The following BRK1 variants were observed in gnomAD, a reference collection of about 807,000 sequenced individuals.
BRK1 encodes protein BRICK1.
BRK1 carries 6 observed loss-of-function variants against 9.9 expected under a neutral mutation model. That is an observed-to-expected ratio of 0.60 (90% CI 0.33 to 1.19). The LOEUF (loss-of-function observed/expected upper bound fraction) is 1.19, where lower values mean the gene tolerates loss of function less well. Ranked by LOEUF, BRK1 falls within the 50% of genes most tolerant of loss-of-function variation. BRK1 has a pLI of 0.04. For missense variants in BRK1, 62 were observed against 97.5 expected (o/e 0.64, Z 1.53); for synonymous variants, 44 against 31.9 (o/e 1.38, Z -1.28).
intron 1 of BRK1, among the ~76,000 whole-genome samples, chr3:10,117,515 TCCTGA>T (rs1182687578): frequency 1.3e-5 from 2 of 149,232 alleles, no homozygotes; most frequent in African/African-American, 2.5e-5. Context: ...TGCCCCCGCC[TCCTGA>T]GTAGCTAGGA....
At chr3:10,118,173 A>G (rs571350367) in intron 1 of BRK1, among the ~76,000 whole-genome samples, 52 of 149,838 alleles carry the variant, frequency 3.5e-4, no homozygotes, top group African/African-American at 1.2e-3. Flanking sequence ...GAATTGCTTG[A>G]ACCGGGGAGG....
At chr3:10,122,150 C>T (rs186575033) in intron 1 of BRK1, among the ~76,000 whole-genome samples, 84 of 151,498 alleles carry the variant, frequency 5.5e-4, no homozygotes, top group African/African-American at 1.8e-3. Flanking sequence ...TCTTGAACTC[C>T]GACCTCAGGT....
chr3:10,126,574 C>T lies in BRK1; in HGVS notation c.*279C>T, dbSNP rs1000836748. ...GTCAATGTATTTGAGACATTCACAGCCAAAAGCCTGGGACTCTTTGTGAAG... is the reference window on the plus strand; with the variant it reads ...GTCAATGTATTTGAGACATTCACAGTCAAAAGCCTGGGACTCTTTGTGAAG... On this transcript the variant is annotated 3_prime_UTR_variant, in exon 3 of 3. Transcript: ENST00000530758. 1 of 375,790 alleles carries T rather than the reference C, an allele frequency of 2.7e-6. No individual in the cohort carries two copies. Among genetic ancestry groups the T allele is most frequent in the Non-Finnish European group, 4.8e-6 (1 of 207,526 alleles). 23.3% of individuals were successfully genotyped at this position (375,790 alleles called of 1,614,324 possible).
chr3:10,124,237 G>A (rs914503516), intron 1 of BRK1, among the ~76,000 whole-genome samples: 7 of 151,182 alleles, frequency 4.6e-5, no homozygotes, highest in East Asian at 4.0e-4. Flanking sequence ...GGCGGATCAC[G>A]AGGACAAGAG....
intron 1 of BRK1, among the ~76,000 whole-genome samples, chr3:10,116,505 T>C (rs1257991411): frequency 6.6e-6 from 1 of 152,184 alleles, no homozygotes; most frequent in African/African-American, 2.4e-5. Context: ...CAGAAAGATA[T>C]CTTTACCAGA....
chr3:10,115,700 C>G lies in BRK1; in HGVS notation c.-2C>G, dbSNP rs769891349. 1 of 1,613,064 alleles carries G rather than the reference C, an allele frequency of 6.2e-7. No homozygotes were observed. Among genetic ancestry groups the G allele is most frequent in the Admixed American group, 1.7e-5 (1 of 60,028 alleles). On this transcript the variant is annotated 5_prime_UTR_variant, in exon 1 of 3. Coordinates refer to ENST00000530758, the MANE Select transcript of BRK1 (RefSeq NM_018462.5). ...GCAGTCGCTCTTCCTCAGGCGGCGG[C>G]CATGGCGGGACAGGAGGATCCGGTG...
At chr3:10,119,877 T>A (rs1187241957) in intron 1 of BRK1, among the ~76,000 whole-genome samples, 1 of 152,180 alleles carries the variant, frequency 6.6e-6, no homozygotes, top group East Asian at 1.9e-4. Context: ...TTGGTTTTTG[T>A]ACTGAGCCAA....
At chr3:10,121,924 C>A (rs1390241266) in intron 1 of BRK1, among the ~76,000 whole-genome samples, 1 of 133,208 alleles carries the variant, frequency 7.5e-6, no homozygotes, top group East Asian at 2.3e-4. Context: ...GAGTCTCGCT[C>A]TGTTGCCCAG....
At chr3:10,123,385 C>T (rs1002858659) in intron 1 of BRK1, among the ~76,000 whole-genome samples, 1 of 151,798 alleles carries the variant, frequency 6.6e-6, no homozygotes, top group African/African-American at 2.4e-5. Flanking sequence ...TCAGAACTCT[C>T]ACACCTTCCC....
At chr3:10,123,732 C>CTTTTTTTTTTT (rs71626962) in intron 1 of BRK1, among the ~76,000 whole-genome samples, 2 of 48,694 alleles carry the variant, frequency 4.1e-5, no homozygotes, top group South Asian at 9.2e-4. Flanking sequence ...CGTGCCTGGC[C>CTTTTTTTTTTT]TTTTTTTTTT....
intron 1 of BRK1, among the ~76,000 whole-genome samples, chr3:10,119,043 G>C (rs1046504868): frequency 1.3e-5 from 2 of 148,204 alleles, no homozygotes; most frequent in Non-Finnish European, 3.0e-5. Flanking sequence ...ACGGAGTCTT[G>C]TTCTGTTGCC....
intron 1 of BRK1, among the ~76,000 whole-genome samples, chr3:10,116,337 G>A (rs1382926486): frequency 1.3e-5 from 2 of 152,126 alleles, no homozygotes; most frequent in African/African-American, 4.8e-5. Context: ...TCCTGTGTCT[G>A]CTGCGGTGAG....
intron 1 of BRK1, among the ~76,000 whole-genome samples, chr3:10,122,685 A>T (rs2125118203): frequency 6.6e-6 from 1 of 152,226 alleles, no homozygotes; most frequent in East Asian, 1.9e-4. Flanking sequence ...TGCAACACTG[A>T]ACTCTAGCCT....
intron 2 of BRK1, 128 bp from the exon 3 acceptor site, chr3:10,126,141 T>C (rs1006805291): frequency 3.1e-6 from 2 of 638,734 alleles, no homozygotes; most frequent in Non-Finnish European, 2.6e-6. Flanking sequence ...ATTTGAACCA[T>C]GTTTCTGTGA....
chr3:10,115,711 C>A lies in BRK1; in HGVS notation c.10C>A (p.Gln4Lys). Reference sequence around the variant, plus strand: ...TCCTCAGGCGGCGGCCATGGCGGGACAGGAGGATCCGGTGCAGCGGGAGAT... The same window carrying A: ...TCCTCAGGCGGCGGCCATGGCGGGAAAGGAGGATCCGGTGCAGCGGGAGAT... MAG[Q>K]EDPVQREIHQ... Residue 4 changes from glutamine (Q) to lysine (K), a missense_variant, in exon 1 of 3, where the codon CAG becomes AAG. Coordinates refer to ENST00000530758, the MANE Select transcript of BRK1 (RefSeq NM_018462.5). 1 of 1,613,806 alleles carries A rather than the reference C, an allele frequency of 6.2e-7. No homozygotes were observed. The highest frequency in any genetic ancestry group is 8.5e-7 in the Non-Finnish European group (1 of 1,179,740).
chr3:10,118,252 CAA>C (rs59622736), intron 1 of BRK1, among the ~76,000 whole-genome samples: 41 of 67,414 alleles, frequency 6.1e-4, no homozygotes, highest in Admixed American at 1.2e-3. Flanking sequence ...ACTCTGTCTC[CAA>C]AAAAAAAAAA....
rs143015765 is a variant in BRK1 at position 10,124,325 on chromosome 3, T to TG, written c.119-1299dup. On this transcript the variant is annotated intron_variant, in intron 1 of 2. Transcript: ENST00000530758. ...AAAAAAAAAAATTAGCTGGGCATGGTGGCGCACACCTGTAGTCCCAGCTAC... is the reference window on the plus strand; with the variant it reads ...AAAAAAAAAAATTAGCTGGGCATGGTGGGCGCACACCTGTAGTCCCAGCTAC... 0.23 allele frequency among the ~76,000 whole-genome samples: 35,131 copies of TG among 151,412 alleles called. 5,539 individuals are homozygous for TG. The highest frequency in any genetic ancestry group is 0.34 in the Non-Finnish European group (22,871 of 67,766).
chr3:10,122,544 C>A (rs1218783888), intron 1 of BRK1, among the ~76,000 whole-genome samples: 2 of 151,126 alleles, frequency 1.3e-5, no homozygotes, highest in Admixed American at 6.6e-5. Flanking sequence ...CCATATCTAC[C>A]AAAACAAAAA....
chr3:10,124,772 ATC>A (rs909872637), intron 1 of BRK1, among the ~76,000 whole-genome samples: 1 of 152,016 alleles, frequency 6.6e-6, no homozygotes, highest in African/African-American at 2.4e-5. Flanking sequence ...TAGGACTGAG[ATC>A]TCTGTTTTGT....
Sources: gnomAD v4.1 joint callset for allele counts (sites outside exome capture counted in the v4.1 genomes callset) on GRCh38, gnomAD v4.1.1 for gene constraint, MANE v1.5 for transcripts, NCBI Gene and HGNC (gene_info 2026-07-23, HGNC 2026-07-21) for gene names.